The following EYS variants were observed in gnomAD, a reference collection of about 807,000 sequenced individuals.
EYS encodes the protein protein eyes shut homolog.
EYS carries 250 observed loss-of-function variants against 282.1 expected under a neutral mutation model. That is an observed-to-expected ratio of 0.89 (90% CI 0.80 to 0.98). EYS has a LOEUF of 0.98. Among genes scored for constraint, EYS ranks in the 50% least tolerant of loss-of-function variants. The pLI is 0.00. For synonymous variants in EYS, 1,355 were observed against 1,282.9 expected (o/e 1.06, Z -1.20); for missense variants, 4,016 against 3,709.0 (o/e 1.08, Z -2.15).
chr6:64,501,068 C>T (rs1317885892), intron 26 of EYS, among the ~76,000 whole-genome samples: 2 of 147,378 alleles, frequency 1.4e-5, no homozygotes, highest in Non-Finnish European at 1.5e-5. Context: ...AATTCCTCTT[C>T]CCCATCTTAA....
chr6:64,556,409 T>C (rs1206247454), intron 26 of EYS, among the ~76,000 whole-genome samples: 1 of 151,920 alleles, frequency 6.6e-6, no homozygotes, highest in Non-Finnish European at 1.5e-5. Context: ...CCCATGTACA[T>C]GATATTTGAG....
intron 21 of EYS, among the ~76,000 whole-genome samples, chr6:64,818,302 T>G (rs947123810): frequency 1.3e-5 from 2 of 152,166 alleles, no homozygotes; most frequent in African/African-American, 4.8e-5. Flanking sequence ...AGGCATGCAT[T>G]TGCTCTTCTC....
At chr6:63,829,503 C>A (rs148128774) in intron 36 of EYS, among the ~76,000 whole-genome samples, 1 of 152,116 alleles carries the variant, frequency 6.6e-6, no homozygotes, top group South Asian at 2.1e-4. Context: ...AAGGTGGCAG[C>A]GAGGCTGGGG....
chr6:65,196,761 A>G (rs1765776590), intron 12 of EYS, among the ~76,000 whole-genome samples: 1 of 152,122 alleles, frequency 6.6e-6, no homozygotes, highest in African/African-American at 2.4e-5. Flanking sequence ...GAATAGACTC[A>G]TTACAAATTA....
intron 41 of EYS, among the ~76,000 whole-genome samples, chr6:63,734,217 G>C (rs1768852619): frequency 6.6e-6 from 1 of 152,004 alleles, no homozygotes; most frequent in African/African-American, 2.4e-5. Flanking sequence ...TCCAACCTTA[G>C]AATCATGCAG....
chr6:64,911,844 A>G (rs1768002449), intron 16 of EYS, among the ~76,000 whole-genome samples: 1 of 152,152 alleles, frequency 6.6e-6, no homozygotes, highest in Non-Finnish European at 1.5e-5. Context: ...CTTCGCTTGC[A>G]TATGAAGAGA....
At chr6:64,367,601 T>G (rs1018858676) in intron 29 of EYS, among the ~76,000 whole-genome samples, 2 of 104,018 alleles carry the variant, frequency 1.9e-5, no homozygotes, top group African/African-American at 7.1e-5. Context: ...AACACCTAGT[T>G]GGATTTCAGA....
At chr6:65,081,415 T>C (rs1217293421) in intron 12 of EYS, among the ~76,000 whole-genome samples, 1 of 152,066 alleles carries the variant, frequency 6.6e-6, no homozygotes, top group Non-Finnish European at 1.5e-5. Context: ...AGTCTAATTC[T>C]TGTAATGGCC....
At chr6:65,316,471 G>A (rs1347502202) in intron 11 of EYS, among the ~76,000 whole-genome samples, 4 of 133,578 alleles carry the variant, frequency 3.0e-5, no homozygotes, top group South Asian at 2.5e-4. Context: ...TTTTTTAATC[G>A]TCAACTTTTT....
intron 2 of EYS, among the ~76,000 whole-genome samples, chr6:65,518,093 T>C (rs1408345948): frequency 6.6e-6 from 1 of 152,112 alleles, no homozygotes; most frequent in Non-Finnish European, 1.5e-5. Context: ...TTACCTCTAT[T>C]TGATAAATGA....
chr6:64,285,088 AT>A (rs1768448620), intron 30 of EYS, among the ~76,000 whole-genome samples: 3 of 152,086 alleles, frequency 2.0e-5, no homozygotes, highest in Admixed American at 2.0e-4. Context: ...ATGGGATTTT[AT>A]TTTCTATCCC....
chr6:65,056,242 T>G (rs1004539146), intron 13 of EYS, among the ~76,000 whole-genome samples: 1 of 151,976 alleles, frequency 6.6e-6, no homozygotes, highest in Non-Finnish European at 1.5e-5. Flanking sequence ...TACTTCCACA[T>G]TTTCTGGCAT....
chr6:64,688,126 T>C (rs1210962665), intron 22 of EYS, among the ~76,000 whole-genome samples: 1 of 152,098 alleles, frequency 6.6e-6, no homozygotes, highest in African/African-American at 2.4e-5. Flanking sequence ...TTCTTCTTTA[T>C]TAGTCTTGCT....
chr6:63,723,301 AAAT>A (rs1768477933), intron 42 of EYS, among the ~76,000 whole-genome samples: 1 of 152,204 alleles, frequency 6.6e-6, no homozygotes, highest in Non-Finnish European at 1.5e-5. Context: ...AGGAAAGAAA[AAAT>A]ATACATTGGG....
intron 36 of EYS, chr6:63,857,469 G>A (rs1581900887): frequency 4.7e-6 from 1 of 214,118 alleles, no homozygotes; most frequent in Non-Finnish European, 9.7e-6. Flanking sequence ...AGTGTCCAGA[G>A]GATTCCCTGA....
chr6:64,327,091 A>G (rs2150388054), intron 29 of EYS, among the ~76,000 whole-genome samples: 1 of 152,156 alleles, frequency 6.6e-6, no homozygotes, highest in Non-Finnish European at 1.5e-5. Flanking sequence ...CTCGGGAGAG[A>G]CCATCATGGG....
At chr6:64,244,414 C>T (rs1431421187) in intron 30 of EYS, among the ~76,000 whole-genome samples, 1 of 152,138 alleles carries the variant, frequency 6.6e-6, no homozygotes, top group African/African-American at 2.4e-5. Flanking sequence ...TGTATTTCCT[C>T]TCTGGATGCT....
chr6:64,526,450 A>G (rs1029068091), intron 26 of EYS, among the ~76,000 whole-genome samples: 9 of 151,858 alleles, frequency 5.9e-5, no homozygotes, highest in Admixed American at 5.3e-4. Context: ...AATTAAATAG[A>G]CCTAATTTAT....
At chr6:65,546,552 A>AT (rs1313056031) in intron 2 of EYS, among the ~76,000 whole-genome samples, 1 of 145,542 alleles carries the variant, frequency 6.9e-6, no homozygotes, top group Non-Finnish European at 1.5e-5. Context: ...GTATTTTTTT[A>AT]TTTTTTTAAT....
Sources: allele counts gnomAD v4.1 joint callset (sites outside exome capture counted in the v4.1 genomes callset), GRCh38; gene constraint gnomAD v4.1.1; transcripts MANE v1.5; gene names NCBI Gene and HGNC (gene_info 2026-07-23, HGNC 2026-07-21).